Variants in COL25A1 observed in about 807,000 individuals in gnomAD.
The protein encoded by COL25A1 is collagen type XXV alpha 1 chain, also known as collagen alpha-1(XXV) chain.
COL25A1 carries 103 observed loss-of-function variants against 128.4 expected under a neutral mutation model. The ratio of observed to expected loss-of-function variants is 0.80; its 90% confidence interval spans 0.68 to 0.94. COL25A1 has a LOEUF of 0.94. COL25A1 is among the 40% of genes least tolerant of loss of function. The pLI is 0.00. For synonymous variants in COL25A1, 279 were observed against 277.2 expected (o/e 1.01, Z -0.06); for missense variants, 745 against 840.0 (o/e 0.89, Z 1.40).
intron 8 of COL25A1, among the ~76,000 whole-genome samples, chr4:108,967,189 G>T (rs62314650): frequency 0.3 from 46,257 of 152,022 alleles, 7,608 homozygotes; most frequent in South Asian, 0.46. Flanking sequence ...ATTTCATAGG[G>T]TTGTTGAAAT....
chr4:108,952,831 CTT>C (rs59761040), intron 8 of COL25A1, among the ~76,000 whole-genome samples: 2,174 of 67,026 alleles, frequency 0.032, 35 homozygotes, highest in African/African-American at 0.11. Context: ...AAAAACTCAA[CTT>C]TTTTTTTTTT....
rs144275668 is a variant in COL25A1 at position 109,076,892 on chromosome 4, G to A, written c.368-26713C>T. ...TAATGCCATTGCTGATTTGACAGGA[G>A]GTGGCGCTCAGGCAGTAATGCAAGC... On this transcript the variant is annotated intron_variant, in intron 3 of 37. Transcript: ENST00000399132. Among the ~76,000 whole-genome samples, 22 of 152,210 alleles carry A rather than the reference G, an allele frequency of 1.4e-4. 2 individuals are homozygous for A. In the South Asian group the frequency reaches 4.4e-3, roughly 30 times the overall value.
chr4:109,143,193 G>A (rs1157661954), intron 3 of COL25A1, among the ~76,000 whole-genome samples: 1 of 152,120 alleles, frequency 6.6e-6, no homozygotes, highest in Non-Finnish European at 1.5e-5. Flanking sequence ...TGAAATTCTG[G>A]GTTGAAAATT....
At position 108,914,067 on chromosome 4, in the gene COL25A1, T is replaced by C. The variant is rs184277358; in HGVS notation, c.780+4105A>G. On this transcript the variant is annotated intron_variant, in intron 13 of 37. Coordinates refer to ENST00000399132, the MANE Select transcript of COL25A1 (RefSeq NM_198721.4). Reference sequence around the variant, plus strand: ...TATAATTAGCCAAAGAAGAAATAGATAACATTTTATATTTTTAGGTAGGAT... The same window carrying C: ...TATAATTAGCCAAAGAAGAAATAGACAACATTTTATATTTTTAGGTAGGAT... 1.2e-3 allele frequency among the ~76,000 whole-genome samples: 188 copies of C among 152,306 alleles called. 1 individual carries two copies. The highest frequency in any genetic ancestry group is 7.8e-4 in the Admixed American group (12 of 15,304).
intron 3 of COL25A1, among the ~76,000 whole-genome samples, chr4:109,098,435 AT>A (rs1436747113): frequency 3.3e-5 from 5 of 152,236 alleles, no homozygotes; most frequent in Non-Finnish European, 7.3e-5. Context: ...CCCATAATCC[AT>A]GTAGATGTAA....
chr4:109,201,846 A>G (rs1480758721), intron 3 of COL25A1, among the ~76,000 whole-genome samples: 1 of 152,214 alleles, frequency 6.6e-6, no homozygotes, highest in African/African-American at 2.4e-5. Flanking sequence ...AGCAATGAAC[A>G]ATTAGAATTT....
intron 3 of COL25A1, among the ~76,000 whole-genome samples, chr4:109,264,891 A>G (rs1230903958): frequency 6.6e-6 from 1 of 152,232 alleles, no homozygotes; most frequent in Non-Finnish European, 1.5e-5. Context: ...ATATTTTATA[A>G]AGATCAACAT....
Position 108,905,857 on chromosome 4 carries a change from G to GAC in COL25A1, c.781-4686_781-4685insGT, listed in dbSNP as rs1403857951. On this transcript the variant is annotated intron_variant, in intron 13 of 37. Transcript: ENST00000399132. ...CAAGCTGGAGCAGTATGTCGGGGGGGGGTGCGGGGGGAGGCGTGGAGAGAC... is the reference window on the plus strand; with the variant it reads ...CAAGCTGGAGCAGTATGTCGGGGGGGACGGTGCGGGGGGAGGCGTGGAGAGAC... 2.7e-5 allele frequency among the ~76,000 whole-genome samples: 4 copies of GAC among 148,450 alleles called. No individual in the cohort carries two copies. The East Asian group carries it at 8.3e-4, about 31-fold the overall frequency.
At chr4:108,983,865 G>C (rs1001280017) in intron 6 of COL25A1, among the ~76,000 whole-genome samples, 5 of 152,148 alleles carry the variant, frequency 3.3e-5, no homozygotes, top group African/African-American at 9.7e-5. Flanking sequence ...CCCGAAGAGT[G>C]AGCAGCAGCA....
chr4:109,079,494 A>G (rs1006397713), intron 3 of COL25A1, among the ~76,000 whole-genome samples: 2 of 152,156 alleles, frequency 1.3e-5, no homozygotes, highest in African/African-American at 4.8e-5. Flanking sequence ...TGAAAAGCTG[A>G]AAAATAACAC....
intron 3 of COL25A1, among the ~76,000 whole-genome samples, chr4:109,066,263 C>T (rs1165031883): frequency 6.6e-6 from 1 of 152,122 alleles, no homozygotes; most frequent in African/African-American, 2.4e-5. Flanking sequence ...ACCCCAAGTG[C>T]CTCTTTTTCT....
chr4:109,192,720 CG>C (rs1775719172), intron 3 of COL25A1, among the ~76,000 whole-genome samples: 1 of 151,932 alleles, frequency 6.6e-6, no homozygotes, highest in Admixed American at 6.6e-5. Context: ...CAGGTGTGGT[CG>C]GGGGCACCTG....
At chr4:108,856,610 A>AATAG (rs1736538757) in intron 24 of COL25A1, among the ~76,000 whole-genome samples, 2 of 152,130 alleles carry the variant, frequency 1.3e-5, no homozygotes, top group Non-Finnish European at 2.9e-5. Context: ...TGAAAAGATA[A>AATAG]CTATAAGCTA....
At chr4:108,820,733 A>T (rs1042657499) in intron 35 of COL25A1, among the ~76,000 whole-genome samples, 2 of 151,420 alleles carry the variant, frequency 1.3e-5, no homozygotes, top group East Asian at 3.9e-4. Flanking sequence ...AAAAAAAAAA[A>T]TCTGTTCAGG....
At chr4:108,959,306 C>A (rs1479307671) in intron 8 of COL25A1, among the ~76,000 whole-genome samples, 1 of 151,946 alleles carries the variant, frequency 6.6e-6, no homozygotes, top group Non-Finnish European at 1.5e-5. Flanking sequence ...TGAAATTGCC[C>A]AATATTAGCA....
At chr4:109,123,003 T>C (rs1768247666) in intron 3 of COL25A1, among the ~76,000 whole-genome samples, 1 of 152,074 alleles carries the variant, frequency 6.6e-6, no homozygotes, top group Non-Finnish European at 1.5e-5. Flanking sequence ...TGCAGTTTGC[T>C]TATTTAATAA....
chr4:108,903,822 A>T (rs965906920), intron 13 of COL25A1, among the ~76,000 whole-genome samples: 1 of 152,088 alleles, frequency 6.6e-6, no homozygotes, highest in African/African-American at 2.4e-5. Context: ...TCACAATTTT[A>T]ATTATTTTTG....
chr4:108,970,627 C>G (rs751271216), intron 8 of COL25A1, among the ~76,000 whole-genome samples: 1 of 152,090 alleles, frequency 6.6e-6, no homozygotes, highest in Non-Finnish European at 1.5e-5. Flanking sequence ...ACTGTGGTCA[C>G]GTTGCTGTAC....
chr4:109,151,063 C>A (rs775053905), intron 3 of COL25A1, among the ~76,000 whole-genome samples: 7 of 151,872 alleles, frequency 4.6e-5, no homozygotes, highest in Non-Finnish European at 8.8e-5. Context: ...TCTTCAACTG[C>A]GTAAAAGTAA....
Sources: allele counts gnomAD v4.1 joint callset (sites outside exome capture counted in the v4.1 genomes callset), GRCh38; gene constraint gnomAD v4.1.1; transcripts MANE v1.5; gene names NCBI Gene and HGNC (gene_info 2026-07-23, HGNC 2026-07-21).